SARNP: variants seen among roughly 807,000 people sequenced by gnomAD.
The protein encoded by SARNP is SAP domain-containing ribonucleoprotein.
A neutral mutation model predicts 38.1 loss-of-function variants in SARNP; 5 were observed. That is an observed-to-expected ratio of 0.13 (90% CI 0.07 to 0.28). SARNP has a LOEUF of 0.28. Among genes scored for constraint, SARNP ranks in the 10% least tolerant of loss-of-function variants. The pLI is 1.00. For synonymous variants in SARNP, 84 were observed against 80.6 expected, an observed-to-expected ratio of 1.04 and a Z score of -0.23; for missense variants, 180 against 243.9, an observed-to-expected ratio of 0.74 and a Z score of 1.75.
intron 9 of SARNP, among the ~76,000 whole-genome samples, chr12:55,774,414 T>G (rs1480779956): frequency 6.6e-5 from 10 of 151,660 alleles, no homozygotes; most frequent in Non-Finnish European, 1.5e-4. Flanking sequence ...TACCAATAAT[T>G]ACTTTCTAAT....
chr12:55,768,186 C>T (rs549514034), intron 9 of SARNP, among the ~76,000 whole-genome samples: 1 of 152,218 alleles, frequency 6.6e-6, no homozygotes, highest in African/African-American at 2.4e-5. Context: ...AGCGCAAAGG[C>T]GTGACATCGG....
chr12:55,787,724 G>T (rs555718908), intron 9 of SARNP, among the ~76,000 whole-genome samples: 36 of 149,602 alleles, frequency 2.4e-4, no homozygotes, highest in African/African-American at 8.6e-4. Context: ...GCACGGTGGT[G>T]CTCGACTGAT....
intron 7 of SARNP, among the ~76,000 whole-genome samples, chr12:55,792,309 G>A (rs1879695502): frequency 6.6e-6 from 1 of 152,074 alleles, no homozygotes; most frequent in Non-Finnish European, 1.5e-5. Context: ...ACGAGTCACA[G>A]GGAAAACTGG....
chr12:55,776,844 A>G (rs1402894504), intron 9 of SARNP, among the ~76,000 whole-genome samples: 2 of 152,246 alleles, frequency 1.3e-5, no homozygotes, highest in Non-Finnish European at 2.9e-5. Flanking sequence ...TACCCAGACA[A>G]TAAGCCCATC....
At chr12:55,814,874 A>T (rs1390348129) in intron 1 of SARNP, among the ~76,000 whole-genome samples, 3 of 131,598 alleles carry the variant, frequency 2.3e-5, no homozygotes, top group Non-Finnish European at 4.9e-5. Flanking sequence ...ATCTCAATTT[A>T]AAAAAAAAAA....
chr12:55,753,673 G>A (rs935600244), downstream of SARNP: 1 of 151,174 alleles, frequency 6.6e-6, no homozygotes, highest in African/African-American at 2.4e-5. Context: ...GGAAGGCTGA[G>A]GCAGAAGAAT....
Position 55,757,568 on chromosome 12 carries a change from C to A in SARNP, c.592-15G>T. The A allele has an allele frequency of 1.2e-6, 2 of 1,600,670 alleles. No homozygotes were observed. The highest frequency in any genetic ancestry group is 1.7e-6 in the Non-Finnish European group (2 of 1,174,884). On this transcript the variant is annotated splice_polypyrimidine_tract_variant and intron_variant, in intron 10 of 10. Transcript: ENST00000336133. ...CTCTTCTTTGCCTGTAAAGAAGAAG[C>A]AAGAAGAAAAAAATTAGACTGAAGA...
At chr12:55,771,461 T>C (rs1049241568) in intron 9 of SARNP, among the ~76,000 whole-genome samples, 1 of 152,152 alleles carries the variant, frequency 6.6e-6, no homozygotes, top group Non-Finnish European at 1.5e-5. Flanking sequence ...CCAGGCACTG[T>C]TCCTGGTCAA....
At chr12:55,761,151 G>A (rs1394606455) in intron 9 of SARNP, among the ~76,000 whole-genome samples, 1 of 151,720 alleles carries the variant, frequency 6.6e-6, no homozygotes. Flanking sequence ...ACTCCAGCCT[G>A]GGTGACAGAG....
chr12:55,807,073 C>T (rs1880168783), intron 1 of SARNP, among the ~76,000 whole-genome samples: 1 of 152,182 alleles, frequency 6.6e-6, no homozygotes, highest in South Asian at 2.1e-4. Context: ...CAGGTACACA[C>T]CACTGTGCCC....
intron 1 of SARNP, among the ~76,000 whole-genome samples, chr12:55,809,765 A>G (rs1208487039): frequency 6.6e-6 from 1 of 152,036 alleles, no homozygotes; most frequent in Non-Finnish European, 1.5e-5. Context: ...AAAAAAAAGA[A>G]AAGAGTTATA....
intron 9 of SARNP, among the ~76,000 whole-genome samples, chr12:55,768,510 C>CA (rs1878913639): frequency 6.6e-6 from 1 of 151,852 alleles, no homozygotes; most frequent in Non-Finnish European, 1.5e-5. Flanking sequence ...CTGCAACCCC[C>CA]ACCTCCCGGG....
intron 1 of SARNP, among the ~76,000 whole-genome samples, chr12:55,804,986 G>A (rs1401951189): frequency 6.6e-6 from 1 of 152,144 alleles, no homozygotes; most frequent in African/African-American, 2.4e-5. Flanking sequence ...CACAATGGCC[G>A]GGCGCGGTGG....
chr12:55,765,071 T>G (rs957520423), intron 9 of SARNP, among the ~76,000 whole-genome samples: 2 of 152,200 alleles, frequency 1.3e-5, no homozygotes, highest in African/African-American at 4.8e-5. Flanking sequence ...GAGCCTCTCT[T>G]CTTGCGGAGA....
Position 55,814,858 on chromosome 12 carries a change from G to A in SARNP, c.36+2808C>T, listed in dbSNP as rs564454384. Reference sequence around the variant, plus strand: ...CACTCCAACCTGGGCGACAGAGCGAGACTCCATCTCAATTTAAAAAAAAAA... The same window carrying A: ...CACTCCAACCTGGGCGACAGAGCGAAACTCCATCTCAATTTAAAAAAAAAA... On this transcript the variant is annotated intron_variant, in intron 1 of 10. Transcript: ENST00000336133. 2.1e-4 allele frequency among the ~76,000 whole-genome samples: 31 copies of A among 148,626 alleles called. No homozygotes were observed. The East Asian group carries it at 5.9e-3, about 28-fold the overall frequency.
In SARNP at chr12:55,795,994, A is replaced by C. The variant is rs765338349; in HGVS notation, c.303+31T>G. The C allele has an allele frequency of 4.1e-6, 6 of 1,479,182 alleles. No homozygotes were observed. In the South Asian group the frequency reaches 6.9e-5, roughly 17 times the overall value. The allele number at this position is 1,479,182 out of a possible 1,614,324, so 91.6% of individuals were successfully genotyped here. On this transcript the variant is annotated intron_variant, in intron 5 of 10. Transcript: ENST00000336133. The stretch of plus-strand genomic sequence containing the variant: ...GGGTAAGAGGGAGAGAGAAATGTAG[A>C]GACTGTTCTACTAGGGAGCAGAATA...
chr12:55,810,253 C>A (rs1056701007), intron 1 of SARNP, among the ~76,000 whole-genome samples: 1 of 152,076 alleles, frequency 6.6e-6, no homozygotes, highest in African/African-American at 2.4e-5. Flanking sequence ...GCTGGGACCA[C>A]AGGTGTGTGC....
chr12:55,801,667 A>C (rs1414557707), intron 2 of SARNP, among the ~76,000 whole-genome samples: 1 of 152,118 alleles, frequency 6.6e-6, no homozygotes, highest in Admixed American at 6.6e-5. Flanking sequence ...CGCCCAGATA[A>C]AGTGCAATGG....
intron 9 of SARNP, among the ~76,000 whole-genome samples, chr12:55,763,947 A>G (rs995954303): frequency 6.6e-6 from 1 of 152,236 alleles, no homozygotes; most frequent in African/African-American, 2.4e-5. Context: ...ATCTCACTTA[A>G]GTATTTCTTT....
Sources: allele counts gnomAD v4.1 joint callset (sites outside exome capture counted in the v4.1 genomes callset), GRCh38; gene constraint gnomAD v4.1.1; transcripts MANE v1.5; gene names NCBI Gene and HGNC (gene_info 2026-07-23, HGNC 2026-07-21).